Variants in GOLIM4 observed in about 807,000 individuals in gnomAD.
GOLIM4 encodes golgi integral membrane protein 4.
A neutral mutation model predicts 107.4 loss-of-function variants in GOLIM4; 71 were observed. The observed-to-expected ratio is 0.66, with a 90% CI of 0.55 to 0.81. The LOEUF (loss-of-function observed/expected upper bound fraction) is 0.81. GOLIM4 is among the 30% of genes least tolerant of loss of function. The probability of loss-of-function intolerance (pLI) is 0.00; values close to 1 mark genes in which losing one functional copy is unlikely to be tolerated. For missense variants in GOLIM4, 830 were observed against 826.1 expected, an observed-to-expected ratio of 1.00 and a Z score of -0.06; for synonymous variants, 327 against 294.8, an observed-to-expected ratio of 1.11 and a Z score of -1.12.
chr3:168,029,681 C>T, intron 10 of GOLIM4, 99 bp downstream of exon 10: 1 of 1,416,040 alleles, frequency 7.1e-7, no homozygotes, highest in Non-Finnish European at 9.7e-7. Flanking sequence ...ATATGAGCCC[C>T]TTAACTTCAT....
intron 14 of GOLIM4, among the ~76,000 whole-genome samples, chr3:168,015,950 C>A (rs1468990374): frequency 7.5e-6 from 1 of 134,010 alleles, no homozygotes; most frequent in Non-Finnish European, 1.5e-5. Flanking sequence ...GGAAGAAAAC[C>A]TAGGCATTAC....
At chr3:168,092,671 C>T (rs987736079) in intron 1 of GOLIM4, among the ~76,000 whole-genome samples, 1 of 152,112 alleles carries the variant, frequency 6.6e-6, no homozygotes, top group Non-Finnish European at 1.5e-5. Flanking sequence ...GACTGGAGAG[C>T]CTGATGTCCT....
In GOLIM4 at chr3:168,095,157, G is replaced by A; in HGVS notation, c.129C>T (p.Ala43=). Residue 43 remains alanine, a synonymous_variant, in exon 1 of 16, where the codon GCC becomes GCT. Coordinates refer to ENST00000470487, the MANE Select transcript of GOLIM4 (RefSeq NM_014498.5). The part of the protein sequence containing the change: ...YYELQTQLRK[A]EAVALKYQQH... The stretch of plus-strand genomic sequence containing the variant: ...GCTGGTACTTGAGCGCCACCGCCTC[G>A]GCTTTCCGCAGCTGCGTCTGCAGCT... The A allele has an allele frequency of 6.2e-7, 1 of 1,611,844 alleles. No individual in the cohort carries two copies. The highest frequency in any genetic ancestry group is 8.5e-7 in the Non-Finnish European group (1 of 1,178,398).
chr3:168,030,857 TG>T (rs1718291597), intron 9 of GOLIM4, among the ~76,000 whole-genome samples: 1 of 152,216 alleles, frequency 6.6e-6, no homozygotes, highest in South Asian at 2.1e-4. Context: ...ATCCTATTAC[TG>T]GGCACATATC....
chr3:168,041,802 G>A (rs545492501), intron 5 of GOLIM4, among the ~76,000 whole-genome samples: 11 of 151,994 alleles, frequency 7.2e-5, no homozygotes, highest in South Asian at 2.1e-4. Context: ...AATATAATGC[G>A]TAGGTGTACT....
At chr3:168,012,855 C>A (rs1717135020) in intron 14 of GOLIM4, among the ~76,000 whole-genome samples, 1 of 151,814 alleles carries the variant, frequency 6.6e-6, no homozygotes, top group Non-Finnish European at 1.5e-5. Flanking sequence ...ATTTTGTCAC[C>A]ACCAGGCCTG....
intron 12 of GOLIM4, among the ~76,000 whole-genome samples, chr3:168,025,914 T>C (rs1462749915): frequency 6.6e-6 from 1 of 152,196 alleles, no homozygotes; most frequent in Non-Finnish European, 1.5e-5. Flanking sequence ...AAGATTTAGA[T>C]TTTAGAGCCT....
intron 6 of GOLIM4, 59 bp downstream of exon 6, chr3:168,041,333 T>A (rs924692376): frequency 6.1e-6 from 6 of 986,488 alleles, no homozygotes; most frequent in Non-Finnish European, 9.7e-6. Flanking sequence ...CTTTTTAAAG[T>A]CATTCTACCA....
rs1273311693 is a variant in GOLIM4, at chr3:168,011,767, C to A, written c.1861-944G>T. Among the ~76,000 whole-genome samples the A allele has an allele frequency of 4.4e-5, 6 of 134,918 alleles. 1 individual carries two copies. Among genetic ancestry groups the A allele is most frequent in the African/African-American group, 7.6e-5 (2 of 26,470 alleles). The allele number at this position is 134,918 out of a possible 152,430, so 88.5% of individuals were successfully genotyped here. A position where few individuals can be genotyped will look rare whatever the true frequency, so the allele number is the denominator to read the frequency against. On this transcript the variant is annotated intron_variant, in intron 14 of 15. Transcript: ENST00000470487. ...CCCTGAGCAGCCTAACTGGGAGGCA[C>A]CCCCCAGCAGGAGCACACTGACACC... is the stretch of plus-strand genomic sequence containing the variant.
chr3:168,055,123 T>C (rs1719870896), intron 1 of GOLIM4, among the ~76,000 whole-genome samples: 1 of 152,112 alleles, frequency 6.6e-6, no homozygotes, highest in Admixed American at 6.6e-5. Context: ...AGTAAATTGG[T>C]ACCAGTAGAG....
chr3:168,072,088 G>A (rs1051077306), intron 1 of GOLIM4, among the ~76,000 whole-genome samples: 8 of 152,150 alleles, frequency 5.3e-5, no homozygotes, highest in East Asian at 1.9e-4. Flanking sequence ...GAAACTCAAC[G>A]TGGATCACGC....
At chr3:168,072,556 A>G (rs1331661829) in intron 1 of GOLIM4, among the ~76,000 whole-genome samples, 1 of 152,164 alleles carries the variant, frequency 6.6e-6, no homozygotes, top group Non-Finnish European at 1.5e-5. Flanking sequence ...AAGTTGTTAA[A>G]AGCATAGGGG....
At chr3:168,086,038 G>A (rs1162298936) in intron 1 of GOLIM4, among the ~76,000 whole-genome samples, 1 of 152,044 alleles carries the variant, frequency 6.6e-6, no homozygotes, top group Non-Finnish European at 1.5e-5. Flanking sequence ...TTGAGGTGAT[G>A]ACCGCCTATA....
chr3:168,011,525 A>G (rs1460810971), intron 14 of GOLIM4, among the ~76,000 whole-genome samples: 1 of 151,766 alleles, frequency 6.6e-6, no homozygotes, highest in Non-Finnish European at 1.5e-5. Flanking sequence ...GGAAGCTCCA[A>G]CTGGGCGGAG....
intron 1 of GOLIM4, among the ~76,000 whole-genome samples, chr3:168,059,717 G>A (rs1201733604): frequency 6.6e-6 from 1 of 152,224 alleles, no homozygotes; most frequent in Non-Finnish European, 1.5e-5. Flanking sequence ...AAGAAGTAGA[G>A]TAAAAGAGAT....
chr3:168,078,621 C>T (rs1353732452), intron 1 of GOLIM4, among the ~76,000 whole-genome samples: 2 of 151,990 alleles, frequency 1.3e-5, no homozygotes, highest in Non-Finnish European at 2.9e-5. Context: ...TGAATTTTTC[C>T]AGTGGTAGAA....
rs578138953 is a variant in GOLIM4 at position 168,095,244 on chromosome 3, G to C, written c.42C>G (p.Phe14Leu). ...GMCSRKQKRI[F>L]QTLLLLTVVF... is the part of the protein sequence containing the mutation. Reference sequence around the variant, plus strand: ...CGACGGTCAGCAGCAGCAGCGTCTGGAAAATCCGCTTCTGCTTTCGGGAGC... The same window carrying C: ...CGACGGTCAGCAGCAGCAGCGTCTGCAAAATCCGCTTCTGCTTTCGGGAGC... The change falls in exon 1 of 16, where the codon TTC becomes TTG. Residue 14 changes from phenylalanine to leucine, a missense_variant. Phe to Leu is a conservative substitution (Grantham distance 22). Coordinates refer to ENST00000470487, the MANE Select transcript of GOLIM4 (RefSeq NM_014498.5). 1.7e-5 allele frequency: 28 copies of C among 1,613,550 alleles called. No homozygotes were observed. The South Asian group carries it at 3.1e-4, about 18-fold the overall frequency.
At chr3:168,021,222 T>A (rs1717660108) in intron 14 of GOLIM4, among the ~76,000 whole-genome samples, 1 of 152,280 alleles carries the variant, frequency 6.6e-6, no homozygotes, top group South Asian at 2.1e-4. Flanking sequence ...TTGAAGATAT[T>A]ATGGGTGTGC....
chr3:168,059,908 A>G (rs1053626539), intron 1 of GOLIM4, among the ~76,000 whole-genome samples: 1 of 152,148 alleles, frequency 6.6e-6, no homozygotes, highest in Admixed American at 6.5e-5. Flanking sequence ...TAGAGGGAGT[A>G]ACCCATAGGA....
Sources: allele counts gnomAD v4.1 joint callset (sites outside exome capture counted in the v4.1 genomes callset), GRCh38; gene constraint gnomAD v4.1.1; transcripts MANE v1.5; gene names NCBI Gene and HGNC (gene_info 2026-07-23, HGNC 2026-07-21).